The following REPS2 variants were observed in gnomAD, a reference collection of about 807,000 sequenced individuals.
REPS2 encodes RALBP1 associated Eps domain containing 2.
REPS2 carries 23 observed loss-of-function variants against 53.6 expected under a neutral mutation model. The ratio of observed to expected loss-of-function variants is 0.43; its 90% CI spans 0.31 to 0.61. The LOEUF is 0.61. Ranked by LOEUF, REPS2 falls within the 20% of genes least tolerant of loss-of-function variation. REPS2 has a pLI of 0.11. For synonymous variants in REPS2, 238 were observed against 218.6 expected (o/e 1.09, Z -0.78); for missense variants, 446 against 534.9 (o/e 0.83, Z 1.64).
chrX:17,029,942 C>T (rs946730711), intron 5 of REPS2, among the ~76,000 whole-genome samples: 1 of 111,768 alleles, frequency 8.9e-6, no homozygotes, highest in Non-Finnish European at 1.9e-5. Flanking sequence ...TCTAAAGCAG[C>T]CCATCTTGTC....
chrX:17,041,992 G>T (rs901037612), intron 5 of REPS2, among the ~76,000 whole-genome samples: 3 of 111,989 alleles, frequency 2.7e-5, no homozygotes, highest in Non-Finnish European at 5.6e-5. Flanking sequence ...TTTCCCCAGA[G>T]ATAATAACTT....
chrX:16,991,829 T>C (rs1309369811), intron 1 of REPS2, among the ~76,000 whole-genome samples: 1 of 111,198 alleles, frequency 9.0e-6, no homozygotes, highest in Non-Finnish European at 1.9e-5. Flanking sequence ...AAGCAATGTA[T>C]CTACAAGCCA....
chrX:17,110,310 C>CT (rs202016963), intron 14 of REPS2, among the ~76,000 whole-genome samples: 2,628 of 86,444 alleles, frequency 0.03, 117 homozygotes, highest in East Asian at 0.17. Flanking sequence ...TTAGATTTCA[C>CT]TTTTTTTTTT....
At chrX:17,087,961 GATAGATAGATAGA>G (rs2062562508) in intron 13 of REPS2, among the ~76,000 whole-genome samples, 1 of 108,420 alleles carries the variant, frequency 9.2e-6, no homozygotes, top group South Asian at 4.0e-4. Context: ...TAGATAGATA[GATAGATAGATAGA>G]TAGATAAAGA....
At chrX:17,166,003 C>G in the REPS2 span, among the ~76,000 whole-genome samples, 3,940 of 111,669 alleles carry the variant, frequency 0.035, 184 homozygotes, top group African/African-American at 0.12. Context: ...ATGCTCTATT[C>G]CTAAAATTCC....
chrX:16,953,091 CAA>C (rs2060537240), intron 1 of REPS2, among the ~76,000 whole-genome samples: 4 of 101,599 alleles, frequency 3.9e-5, no homozygotes, highest in Non-Finnish European at 8.0e-5. Context: ...ACAAACAAAC[CAA>C]AAAACAAACA....
At chrX:17,068,755 A>G (rs1438879007) in intron 10 of REPS2, among the ~76,000 whole-genome samples, 3 of 111,917 alleles carry the variant, frequency 2.7e-5, no homozygotes, top group Non-Finnish European at 3.7e-5. Flanking sequence ...CAATTAGGAA[A>G]TGACAGGAAG....
intron 14 of REPS2, among the ~76,000 whole-genome samples, chrX:17,129,774 G>A (rs772943341): frequency 8.9e-6 from 1 of 112,119 alleles, no homozygotes; most frequent in Non-Finnish European, 1.9e-5. Flanking sequence ...TTGAAAAAGG[G>A]TCCATTTATC....
chrX:17,062,563 G>T (rs1343714887), intron 9 of REPS2, 31 bp downstream of exon 9: 2 of 1,026,841 alleles, frequency 1.9e-6, no homozygotes, highest in South Asian at 4.2e-5. Context: ...AATAAATAAG[G>T]ATGTGTATGG....
chrX:17,144,858 C>T (rs1162967399), intron 17 of REPS2, among the ~76,000 whole-genome samples: 1 of 111,594 alleles, frequency 9.0e-6, no homozygotes, highest in Non-Finnish European at 1.9e-5. Context: ...CACACTAATT[C>T]CAGGAGATGC....
At chrX:17,018,783 A>G (rs1363598810) in intron 2 of REPS2, among the ~76,000 whole-genome samples, 2 of 107,866 alleles carry the variant, frequency 1.9e-5, no homozygotes, top group Non-Finnish European at 3.8e-5. Context: ...TGCTGTTTAC[A>G]TTTTTTCTAA....
downstream of REPS2, among the ~76,000 whole-genome samples, chrX:17,154,482 G>A (rs894214377): frequency 2.7e-5 from 3 of 111,875 alleles, no homozygotes; most frequent in African/African-American, 9.8e-5. Flanking sequence ...TTGTATAAGG[G>A]TAGGACAACT....
rs1310921522 is a variant in REPS2 at position 16,949,510 on chromosome X, C to A, written c.273+2376C>A. 2.7e-5 allele frequency among the ~76,000 whole-genome samples: 3 copies of A among 112,330 alleles called. No individual in the cohort carries two copies. The South Asian group carries it at 1.1e-3, about 41-fold the overall frequency. On this transcript the variant is annotated intron_variant, in intron 1 of 17. Coordinates refer to ENST00000357277, the MANE Select transcript of REPS2 (RefSeq NM_004726.3). ...GCAACCTCTGCCTCCCGGGTTCAAGCGATTCTTCCGCCTCAGCCTCCTGAG... is the reference window on the plus strand; with the variant it reads ...GCAACCTCTGCCTCCCGGGTTCAAGAGATTCTTCCGCCTCAGCCTCCTGAG...
intron 13 of REPS2, among the ~76,000 whole-genome samples, chrX:17,082,701 A>G (rs778833962): frequency 8.9e-6 from 1 of 112,730 alleles, no homozygotes; most frequent in Non-Finnish European, 1.9e-5. Context: ...TTAAGTGACA[A>G]AAGTATGATG....
chrX:17,041,081 A>C (rs1430484115), intron 5 of REPS2, among the ~76,000 whole-genome samples: 1 of 111,862 alleles, frequency 8.9e-6, no homozygotes, highest in African/African-American at 3.2e-5. Flanking sequence ...TGTCCTCAGC[A>C]TGGTGATTCA....
intron 1 of REPS2, among the ~76,000 whole-genome samples, chrX:16,991,721 A>G (rs2061165945): frequency 9.0e-6 from 1 of 110,623 alleles, no homozygotes; most frequent in South Asian, 3.8e-4. Flanking sequence ...AACTTAAAGT[A>G]GAATAAAAAA....
At chrX:17,194,377 A>C in the REPS2 span, among the ~76,000 whole-genome samples, 4 of 111,825 alleles carry the variant, frequency 3.6e-5, no homozygotes, top group Non-Finnish European at 7.5e-5. Flanking sequence ...TGTACATCCC[A>C]TGAAAAACTA....
chrX:17,030,218 T>C (rs1036121351), intron 5 of REPS2, among the ~76,000 whole-genome samples: 3 of 111,606 alleles, frequency 2.7e-5, no homozygotes, highest in Non-Finnish European at 5.6e-5. Flanking sequence ...GTGTTTTCCT[T>C]TGGATAAAGA....
intron 13 of REPS2, among the ~76,000 whole-genome samples, chrX:17,082,660 G>A (rs193254191): frequency 5.0e-4 from 56 of 112,455 alleles, no homozygotes; most frequent in Non-Finnish European, 8.3e-4. Context: ...GAACAGGCAC[G>A]TATACTACAT....
Sources: allele counts gnomAD v4.1 joint callset (sites outside exome capture counted in the v4.1 genomes callset), GRCh38; gene constraint gnomAD v4.1.1; transcripts MANE v1.5; gene names NCBI Gene and HGNC (gene_info 2026-07-23, HGNC 2026-07-21).